TRPC7: variants seen among roughly 807,000 people sequenced by gnomAD.
TRPC7 encodes transient receptor potential cation channel subfamily C member 7, also known as short transient receptor potential channel 7.
In TRPC7, 42 loss-of-function variants were observed where a neutral mutation model predicts 90.1. The observed-to-expected ratio is 0.47, with a 90% CI of 0.36 to 0.60. The LOEUF (loss-of-function observed/expected upper bound fraction) is 0.60, where lower values mean the gene tolerates loss of function less well. TRPC7 is among the 20% of genes least tolerant of loss of function. TRPC7 has a pLI of 0.00. For missense variants in TRPC7, 955 were observed against 1,112.3 expected, an observed-to-expected ratio of 0.86 and a Z score of 2.01; for synonymous variants, 451 against 436.3, an observed-to-expected ratio of 1.03 and a Z score of -0.42.
In TRPC7 at chr5:136,247,734, G is replaced by A. The variant is rs749190863; in HGVS notation, c.1581C>T (p.Ala527=). Residue 527 remains alanine, a splice_region_variant and synonymous_variant, in exon 7 of 12, where the codon GCC becomes GCT. Coordinates refer to ENST00000513104, the MANE Select transcript of TRPC7 (RefSeq NM_020389.3). The surrounding 1 kb of genome is among the most constrained non-coding windows in gnomAD (Gnocchi z 4.2). Reference sequence around the variant, plus strand: ...GGTCTGAAGGCCACCACTTGTCCCTGGCTAAAAGAAAACAATCTGGGTTAC... The same window carrying A: ...GGTCTGAAGGCCACCACTTGTCCCTAGCTAAAAGAAAACAATCTGGGTTAC... The part of the protein sequence containing the change: ...LPPEVAYFTY[A]RDKWWPSDPQ... 6.2e-7 allele frequency: 1 copy of A among 1,610,190 alleles called. No homozygotes were observed.
intron 1 of TRPC7, among the ~76,000 whole-genome samples, chr5:136,357,746 G>T (rs1359878123): frequency 6.6e-6 from 1 of 152,170 alleles, no homozygotes; most frequent in African/African-American, 2.4e-5. Flanking sequence ...TTTATATAAA[G>T]TCGAGAGAGC....
intron 3 of TRPC7, among the ~76,000 whole-genome samples, chr5:136,304,191 C>A (rs551279638): frequency 4.5e-4 from 68 of 151,988 alleles, no homozygotes; most frequent in African/African-American, 1.5e-3. Context: ...TGTATCCCCT[C>A]ACCTTAGCCC....
intron 5 of TRPC7, among the ~76,000 whole-genome samples, chr5:136,255,786 T>C (rs1169468496): frequency 4.6e-5 from 7 of 152,216 alleles, no homozygotes; most frequent in Non-Finnish European, 4.4e-5. Flanking sequence ...TATTATCCTA[T>C]TTTTACAGCT....
intron 5 of TRPC7, among the ~76,000 whole-genome samples, chr5:136,258,891 G>A (rs770487791): frequency 2.0e-5 from 3 of 152,150 alleles, no homozygotes; most frequent in Admixed American, 6.5e-5. Flanking sequence ...GTTTGAACTC[G>A]CAGGAGAGAG....
chr5:136,244,627 G>A lies in TRPC7; in HGVS notation c.1844+2844C>T, dbSNP rs115937880. The stretch of plus-strand genomic sequence containing the variant: ...CTAGAAACACAGGAGGGACACCAGG[G>A]TCTGATCACAGAAAGTAAGAGCCTT... On this transcript the variant is annotated intron_variant, in intron 7 of 11. Transcript: ENST00000513104. Among the ~76,000 whole-genome samples, 1,130 of 152,314 alleles carry A rather than the reference G, an allele frequency of 7.4e-3. 10 individuals are homozygous for A. Among genetic ancestry groups the A allele is most frequent in the African/African-American group, 0.026 (1,084 of 41,556 alleles).
chr5:136,357,695 G>T (rs1219268012), intron 1 of TRPC7, among the ~76,000 whole-genome samples: 3 of 152,110 alleles, frequency 2.0e-5, no homozygotes, highest in Non-Finnish European at 4.4e-5. Flanking sequence ...TAGGGTGGTG[G>T]TATGGCTGAA....
At chr5:136,330,872 T>C (rs528583434) in intron 2 of TRPC7, among the ~76,000 whole-genome samples, 1 of 152,326 alleles carries the variant, frequency 6.6e-6, no homozygotes, top group East Asian at 1.9e-4. Flanking sequence ...ACACCCTTTT[T>C]GGACTCTCAC....
At position 136,336,414 on chromosome 5, in the gene TRPC7, T is replaced by C. The variant is rs1274493270; in HGVS notation, c.780+20194A>G. 2.6e-5 allele frequency among the ~76,000 whole-genome samples: 4 copies of C among 152,126 alleles called. No individual in the cohort carries two copies. In the East Asian group the frequency reaches 7.7e-4, roughly 29 times the overall value. ...GTCTATTTCTTCACCTGTAAAATGG[T>C]AATAAAAATCTCTCCTTAAGATTTC... On this transcript the variant is annotated intron_variant, in intron 2 of 11. Coordinates refer to ENST00000513104, the MANE Select transcript of TRPC7 (RefSeq NM_020389.3).
rs766782300 is a variant in TRPC7, at chr5:136,251,800, G to T, written c.1428C>A (p.Phe476Leu). ...AGGCCACGAAGATGGACAGCATCCC[G>T]AAATCTAGCAGGTTCCACAAGTGCA... is the stretch of plus-strand genomic sequence containing the variant. ...YVLHLWNLLDFGMLSIFVASF... is the reference protein window; with the variant it reads ...YVLHLWNLLDLGMLSIFVASF... The change falls in exon 6 of 12, where the codon TTC becomes TTA. Residue 476 changes from phenylalanine to leucine, a missense_variant. By Grantham distance (22) the Phe-to-Leu change is conservative. This residue lies in a region of TRPC7 where 484 missense variants were observed against 509.6 expected (regional missense o/e 0.95). Transcript: ENST00000513104. 75 of 1,613,878 alleles carry T rather than the reference G, an allele frequency of 4.6e-5. 1 individual carries two copies. The South Asian group carries it at 7.6e-4, about 16-fold the overall frequency.
intron 10 of TRPC7, among the ~76,000 whole-genome samples, chr5:136,219,603 T>A (rs1242273252): frequency 1.3e-5 from 2 of 152,130 alleles, no homozygotes; most frequent in Admixed American, 1.3e-4. Flanking sequence ...CCATCTCTAC[T>A]AAAAATACAA....
rs1760402627 is a variant in TRPC7, at chr5:136,356,943, C to T, written c.445G>A (p.Asp149Asn). 2.5e-6 allele frequency: 4 copies of T among 1,612,904 alleles called. No homozygotes were observed. The highest frequency in any genetic ancestry group is 1.1e-5 in the South Asian group (1 of 91,044). Reference protein sequence around the residue: ...LSPLEQELRDDDFYAYDEDGT... With the variant: ...LSPLEQELRDNDFYAYDEDGT... ...TCCTCGTCGTAGGCATAGAAGTCGT[C>T]GTCGCGCAGCTCCTGTTCCAGCGGG... The change falls in exon 2 of 12, where the codon GAC becomes AAC. Residue 149 changes from aspartate to asparagine, a missense_variant. Transcript: ENST00000513104.
At chr5:136,276,068 T>G (rs1280105801) in intron 3 of TRPC7, among the ~76,000 whole-genome samples, 1 of 152,248 alleles carries the variant, frequency 6.6e-6, no homozygotes, top group Non-Finnish European at 1.5e-5. Context: ...ATCCCTTTTC[T>G]GCAAATAGTA....
At chr5:136,277,619 A>G (rs1249798346) in intron 3 of TRPC7, among the ~76,000 whole-genome samples, 1 of 152,246 alleles carries the variant, frequency 6.6e-6, no homozygotes, top group Non-Finnish European at 1.5e-5. Context: ...AAAAGGGCAC[A>G]CAGCTAAGGA....
intron 11 of TRPC7, chr5:136,213,912 C>A (rs1330983130): frequency 6.3e-6 from 2 of 316,126 alleles, no homozygotes; most frequent in Non-Finnish European, 1.2e-5. Context: ...TCATAAAATA[C>A]TTGTTAGAAA....
At chr5:136,293,506 A>C (rs1162613092) in intron 3 of TRPC7, among the ~76,000 whole-genome samples, 2 of 152,222 alleles carry the variant, frequency 1.3e-5, no homozygotes, top group African/African-American at 4.8e-5. Flanking sequence ...ACGGACAAAC[A>C]GAGAGCCAAA....
intron 2 of TRPC7, among the ~76,000 whole-genome samples, chr5:136,325,326 C>T (rs574592401): frequency 1.1e-4 from 16 of 152,252 alleles, no homozygotes; most frequent in Admixed American, 5.2e-4. Context: ...ATCGACAGCT[C>T]TTTTGAGGAA....
rs75475109 is a variant in TRPC7, at chr5:136,256,511, C to T, written c.1346-4629G>A. Among the ~76,000 whole-genome samples the T allele has an allele frequency of 2.4e-3, 332 of 141,096 alleles. 1 individual carries two copies. The highest frequency in any genetic ancestry group is 7.9e-3 in the African/African-American group (314 of 39,546). The allele number at this position is 141,096 out of a possible 152,430, so 92.6% of individuals were successfully genotyped here. A position where few individuals can be genotyped will look rare whatever the true frequency, so the allele number is the denominator to read the frequency against. On this transcript the variant is annotated intron_variant, in intron 5 of 11. Transcript: ENST00000513104. Reference sequence around the variant, plus strand: ...ACATCCCTCAAGCTGGCCTCCCCATCCCTCCCACCCTCACTGTGTCATATC... The same window carrying T: ...ACATCCCTCAAGCTGGCCTCCCCATTCCTCCCACCCTCACTGTGTCATATC...
chr5:136,321,325 T>C (rs970665737), intron 2 of TRPC7, among the ~76,000 whole-genome samples: 1 of 152,178 alleles, frequency 6.6e-6, no homozygotes, highest in Non-Finnish European at 1.5e-5. Flanking sequence ...GATTCTATAG[T>C]ATAGTCAGTA....
intron 6 of TRPC7, among the ~76,000 whole-genome samples, chr5:136,250,107 C>T (rs1156337730): frequency 6.6e-6 from 1 of 152,136 alleles, no homozygotes; most frequent in East Asian, 1.9e-4. Flanking sequence ...TGAACCCTAA[C>T]AAGACAGAGG....
Sources: gnomAD v4.1 joint callset for allele counts (sites outside exome capture counted in the v4.1 genomes callset) on GRCh38, gnomAD v4.1.1 for gene constraint, gnomAD v4.1.1 regional missense constraint, Gnocchi (gnomAD v3.1) non-coding constraint, MANE v1.5 for transcripts, NCBI Gene and HGNC (gene_info 2026-07-23, HGNC 2026-07-21) for gene names.